The following MAP2K5 variants were observed in gnomAD, a reference collection of about 807,000 sequenced individuals.
The protein encoded by MAP2K5 is dual specificity mitogen-activated protein kinase kinase 5.
MAP2K5 carries 49 observed loss-of-function variants against 83.1 expected under a neutral mutation model. That is an observed-to-expected ratio of 0.59 (90% CI 0.47 to 0.75). MAP2K5 has a LOEUF of 0.75. Among genes scored for constraint, MAP2K5 ranks in the 30% least tolerant of loss-of-function variants. The pLI is 0.00. For missense variants in MAP2K5, 457 were observed against 557.5 expected, an observed-to-expected ratio of 0.82 and a Z score of 1.82; for synonymous variants, 202 against 191.8, an observed-to-expected ratio of 1.05 and a Z score of -0.44.
At chr15:67,588,406 G>A (rs190243388) in intron 6 of MAP2K5, among the ~76,000 whole-genome samples, 30 of 152,250 alleles carry the variant, frequency 2.0e-4, no homozygotes, top group African/African-American at 7.2e-4. Flanking sequence ...CATCCCCAGT[G>A]CACACCAGGG....
At chr15:67,553,696 G>A (rs1376771988) in intron 2 of MAP2K5, among the ~76,000 whole-genome samples, 1 of 151,914 alleles carries the variant, frequency 6.6e-6, no homozygotes, top group Non-Finnish European at 1.5e-5. Context: ...GGTGGATCAT[G>A]AGGTCAGGAG....
rs770943095 is a variant in MAP2K5 at position 67,760,748 on chromosome 15, CT to C, written c.1135-8853del. ...TAGCGGTCTGTGAATGGGCAGTTGC[CT>C]GGTGGGGCCAGTTTTGGCTGCTGTC... On this transcript the variant is annotated intron_variant, in intron 19 of 21. Coordinates refer to ENST00000178640, the MANE Select transcript of MAP2K5 (RefSeq NM_145160.3). The surrounding 1 kb of genome is among the most constrained non-coding windows in gnomAD (Gnocchi z 4.1). Among the ~76,000 whole-genome samples, 1 of 152,124 alleles carries C rather than the reference CT, an allele frequency of 6.6e-6. No individual in the cohort carries two copies. The highest frequency in any genetic ancestry group is 1.9e-4 in the East Asian group (1 of 5,186).
intron 13 of MAP2K5, among the ~76,000 whole-genome samples, chr15:67,669,253 TTTCTTA>T (rs2087465778): frequency 6.6e-6 from 1 of 152,140 alleles, no homozygotes; most frequent in Non-Finnish European, 1.5e-5. Flanking sequence ...TTAGGAAACA[TTTCTTA>T]AACAATAACA....
At chr15:67,628,654 G>A (rs1186844444) in intron 8 of MAP2K5, 3 of 1,023,540 alleles carry the variant, frequency 2.9e-6, no homozygotes, top group East Asian at 4.7e-5. Flanking sequence ...GGATAAGACT[G>A]TCATTCAGAA....
Position 67,587,281 on chromosome 15 carries a change from A to G in MAP2K5, c.431+368A>G, listed in dbSNP as rs1185414766. On this transcript the variant is annotated intron_variant, in intron 6 of 21. Coordinates refer to ENST00000178640, the MANE Select transcript of MAP2K5 (RefSeq NM_145160.3). This position sits in a 1 kb window ranked among gnomAD's most constrained non-coding sequence, Gnocchi z 4.8. The stretch of plus-strand genomic sequence containing the variant: ...TTTGGAGAGAGGAGATGAGAGAGCA[A>G]TAGGAGTGATAGGAGCTAAGGAGGT... Among the ~76,000 whole-genome samples the G allele has an allele frequency of 6.6e-6, 1 of 152,138 alleles. No homozygotes were observed. Among genetic ancestry groups the G allele is most frequent in the African/African-American group, 2.4e-5 (1 of 41,434 alleles).
At chr15:67,603,592 T>TA (rs1484712412) in intron 8 of MAP2K5, among the ~76,000 whole-genome samples, 1 of 152,208 alleles carries the variant, frequency 6.6e-6, no homozygotes, top group Non-Finnish European at 1.5e-5. Flanking sequence ...CCAAATTGCA[T>TA]AACCGCTTGT....
intron 13 of MAP2K5, among the ~76,000 whole-genome samples, chr15:67,689,605 G>A (rs1281449938): frequency 6.6e-6 from 1 of 152,080 alleles, no homozygotes; most frequent in Non-Finnish European, 1.5e-5. Context: ...CAGATTGAGG[G>A]GAGAATATGG....
chr15:67,727,438 G>A (rs542679101), intron 16 of MAP2K5, among the ~76,000 whole-genome samples: 3 of 152,248 alleles, frequency 2.0e-5, no homozygotes, highest in Admixed American at 2.0e-4. Context: ...TTTAACAAAT[G>A]GATGAAAATA....
At chr15:67,624,789 CT>C (rs1250089934) in intron 8 of MAP2K5, among the ~76,000 whole-genome samples, 30 of 45,872 alleles carry the variant, frequency 6.5e-4, no homozygotes, top group African/African-American at 1.3e-3. Context: ...GCCACCAGGC[CT>C]GGTTAATTTT....
chr15:67,729,649 A>C (rs1402292326), intron 17 of MAP2K5, among the ~76,000 whole-genome samples: 1 of 151,576 alleles, frequency 6.6e-6, no homozygotes, highest in Non-Finnish European at 1.5e-5. Flanking sequence ...GGTGGCGGGC[A>C]CCTGTAGTCC....
Position 67,665,264 on chromosome 15 carries a change from C to A in MAP2K5, c.847+619C>A, listed in dbSNP as rs930125720. On this transcript the variant is annotated intron_variant, in intron 13 of 21. Transcript: ENST00000178640. This position sits in a 1 kb window ranked among gnomAD's most constrained non-coding sequence, Gnocchi z 4.2. Reference sequence around the variant, plus strand: ...GTAACAGAACACATGAGAGAATAATCAGATGAGTGTTGAATATTGCAAAAG... The same window carrying A: ...GTAACAGAACACATGAGAGAATAATAAGATGAGTGTTGAATATTGCAAAAG... Among the ~76,000 whole-genome samples the A allele has an allele frequency of 2.0e-5, 3 of 152,034 alleles. No individual in the cohort carries two copies. The highest frequency in any genetic ancestry group is 7.3e-5 in the African/African-American group (3 of 41,366).
intron 14 of MAP2K5, among the ~76,000 whole-genome samples, 167 bp downstream of exon 14, chr15:67,692,719 C>T (rs995218253): frequency 3.9e-5 from 6 of 152,196 alleles, no homozygotes; most frequent in Admixed American, 2.0e-4. Flanking sequence ...GAGCGAGTTT[C>T]CTTCATCAGA....
At chr15:67,658,465 T>C in intron 11 of MAP2K5, 88 bp from the exon 12 acceptor site, 1 of 1,026,472 alleles carries the variant, frequency 9.7e-7, no homozygotes, top group Non-Finnish European at 1.5e-6. Context: ...AGTGTAAAAA[T>C]GTATTCTCAC....
At chr15:67,726,354 ATT>A (rs2089096583) in intron 16 of MAP2K5, among the ~76,000 whole-genome samples, 1 of 152,324 alleles carries the variant, frequency 6.6e-6, no homozygotes, top group Middle Eastern at 3.4e-3. Context: ...GCAACAAAAT[ATT>A]TAGTTTTTGT....
At chr15:67,723,443 G>A (rs2089015722) in intron 16 of MAP2K5, among the ~76,000 whole-genome samples, 1 of 152,156 alleles carries the variant, frequency 6.6e-6, no homozygotes, top group Non-Finnish European at 1.5e-5. Context: ...GTTGTTTACT[G>A]CTATTTAAGT....
intron 9 of MAP2K5, among the ~76,000 whole-genome samples, chr15:67,634,378 A>AT (rs2086546842): frequency 3.7e-5 from 2 of 54,272 alleles, no homozygotes; most frequent in Non-Finnish European, 6.3e-5. Context: ...AAAAAAAAAA[A>AT]AAAAAAAAAA....
intron 7 of MAP2K5, among the ~76,000 whole-genome samples, chr15:67,599,173 C>T (rs975324321): frequency 3.3e-5 from 5 of 152,164 alleles, no homozygotes; most frequent in Admixed American, 2.6e-4. Context: ...ACCTTTTATA[C>T]AGCTTAAAAT....
intron 9 of MAP2K5, among the ~76,000 whole-genome samples, chr15:67,635,623 C>G (rs1454126791): frequency 1.3e-5 from 2 of 152,084 alleles, no homozygotes; most frequent in Non-Finnish European, 2.9e-5. Context: ...TGAATGACTT[C>G]TTCCTTTACA....
At chr15:67,729,886 A>G (rs1428939016) in intron 17 of MAP2K5, among the ~76,000 whole-genome samples, 2 of 152,224 alleles carry the variant, frequency 1.3e-5, no homozygotes, top group African/African-American at 4.8e-5. Context: ...GTCTAAATAT[A>G]TCTTTACTTG....
Sources: gnomAD v4.1 joint callset for allele counts (sites outside exome capture counted in the v4.1 genomes callset) on GRCh38, gnomAD v4.1.1 for gene constraint, Gnocchi (gnomAD v3.1) non-coding constraint, MANE v1.5 for transcripts, NCBI Gene and HGNC (gene_info 2026-07-23, HGNC 2026-07-21) for gene names.